The following ROBO2 variants were observed in gnomAD, a reference collection of about 807,000 sequenced individuals.
ROBO2 encodes the protein roundabout guidance receptor 2, also known as roundabout homolog 2.
ROBO2 carries 53 observed loss-of-function variants against 160.8 expected under a neutral mutation model. That is an observed-to-expected ratio of 0.33 (90% CI 0.26 to 0.41). The LOEUF (loss-of-function observed/expected upper bound fraction) is 0.41. Ranked by LOEUF, ROBO2 falls within the 10% of genes least tolerant of loss-of-function variation. The pLI is 1.00. For synonymous variants in ROBO2, 664 were observed against 611.7 expected (o/e 1.09, Z -1.26); for missense variants, 1,577 against 1,722.4 (o/e 0.92, Z 1.49).
chr3:76,968,050 A>T (rs1025610538), intron 2 of ROBO2, among the ~76,000 whole-genome samples: 20 of 152,068 alleles, frequency 1.3e-4, no homozygotes, highest in Non-Finnish European at 1.2e-4. Context: ...TTATATATAT[A>T]TTTTTTGATA....
At chr3:75,957,225 AACACACACGCACACACACACAAAACAC>A (rs1031739634) in intron 2 of ROBO2, among the ~76,000 whole-genome samples, 9 of 122,184 alleles carry the variant, frequency 7.4e-5, no homozygotes, top group South Asian at 3.1e-4. Context: ...ACACACACAA[AACACACACGCACACACACACAAAACAC>A]ACACACACAC....
intron 2 of ROBO2, among the ~76,000 whole-genome samples, chr3:77,473,378 A>G (rs904935413): frequency 2.7e-5 from 4 of 145,686 alleles, no homozygotes; most frequent in African/African-American, 1.0e-4. Context: ...CAGCTGCGGC[A>G]TTCACCCGTG....
chr3:77,089,120 AC>A (rs1255013824), intron 1 of ROBO2, among the ~76,000 whole-genome samples: 2 of 152,212 alleles, frequency 1.3e-5, no homozygotes, highest in African/African-American at 4.8e-5. Context: ...AAAAAGCCAA[AC>A]AAAAAACAAC....
intron 2 of ROBO2, among the ~76,000 whole-genome samples, chr3:76,249,771 A>G (rs1009967119): frequency 2.6e-5 from 4 of 152,120 alleles, no homozygotes; most frequent in African/African-American, 9.6e-5. Flanking sequence ...AATGAGAGAG[A>G]GGAATATTTG....
At chr3:76,657,476 TG>T (rs1275143607) in intron 2 of ROBO2, among the ~76,000 whole-genome samples, 1 of 150,664 alleles carries the variant, frequency 6.6e-6, no homozygotes, top group African/African-American at 2.4e-5. Flanking sequence ...CCAGCTGCGG[TG>T]GCTCACGCCT....
At chr3:77,387,569 C>G (rs1259918563) in intron 2 of ROBO2, among the ~76,000 whole-genome samples, 6 of 151,868 alleles carry the variant, frequency 4.0e-5, no homozygotes, top group African/African-American at 1.4e-4. Flanking sequence ...TTTCTGATCT[C>G]CTGCGATCAC....
intron 2 of ROBO2, among the ~76,000 whole-genome samples, chr3:76,093,206 G>A (rs1413839407): frequency 1.3e-5 from 2 of 151,328 alleles, no homozygotes; most frequent in African/African-American, 4.8e-5. Context: ...AATTTAATAC[G>A]TAAACAGTCC....
At chr3:76,236,320 A>C (rs1271500274) in intron 2 of ROBO2, among the ~76,000 whole-genome samples, 1 of 152,142 alleles carries the variant, frequency 6.6e-6, no homozygotes, top group African/African-American at 2.4e-5. Flanking sequence ...ACACGGAATT[A>C]TGTCAATGTT....
intron 2 of ROBO2, among the ~76,000 whole-genome samples, chr3:76,408,602 T>G (rs1272527603): frequency 6.6e-6 from 1 of 152,080 alleles, no homozygotes; most frequent in Non-Finnish European, 1.5e-5. Flanking sequence ...TGTTCTTGCA[T>G]ACATCAATGT....
chr3:76,196,991 T>A (rs1702290201), intron 2 of ROBO2, among the ~76,000 whole-genome samples: 1 of 152,260 alleles, frequency 6.6e-6, no homozygotes, highest in Admixed American at 6.5e-5. Flanking sequence ...TTTACACATG[T>A]TGATGCTTCT....
intron 2 of ROBO2, among the ~76,000 whole-genome samples, chr3:76,350,017 A>G (rs1396027364): frequency 1.3e-5 from 2 of 152,012 alleles, no homozygotes; most frequent in Non-Finnish European, 2.9e-5. Flanking sequence ...TCACTATACA[A>G]ACTTCTTCAA....
intron 1 of ROBO2, among the ~76,000 whole-genome samples, chr3:77,066,759 G>A (rs1016428138): frequency 6.6e-5 from 10 of 151,876 alleles, no homozygotes; most frequent in Admixed American, 1.3e-4. Context: ...GAATTTGTAG[G>A]GAATGATTGT....
intron 1 of ROBO2, among the ~76,000 whole-genome samples, chr3:77,095,764 G>A (rs1477085627): frequency 3.3e-5 from 5 of 151,934 alleles, no homozygotes; most frequent in South Asian, 2.1e-4. Flanking sequence ...AAATACTTTG[G>A]GGTCTTTCTT....
intron 2 of ROBO2, among the ~76,000 whole-genome samples, chr3:77,020,893 T>C (rs2062591541): frequency 1.3e-5 from 2 of 152,124 alleles, no homozygotes; most frequent in South Asian, 2.1e-4. Context: ...TAAACAAAGA[T>C]AATTTGAGAG....
At chr3:76,484,488 C>T (rs769157291) in intron 2 of ROBO2, among the ~76,000 whole-genome samples, 9 of 152,110 alleles carry the variant, frequency 5.9e-5, no homozygotes, top group Non-Finnish European at 1.0e-4. Flanking sequence ...CTATGCAGCA[C>T]GGAAAGCTCA....
chr3:76,798,087 G>A, intron 2 of ROBO2, among the ~76,000 whole-genome samples: 1 of 97,046 alleles, frequency 1.0e-5, no homozygotes. Flanking sequence ...ACCAAAAACA[G>A]ACAAAGACAC....
At chr3:77,297,929 G>A (rs2062295873) in intron 2 of ROBO2, among the ~76,000 whole-genome samples, 1 of 152,134 alleles carries the variant, frequency 6.6e-6, no homozygotes, top group Non-Finnish European at 1.5e-5. Context: ...GTCAGAAAGA[G>A]TAGAAAGAGT....
intron 2 of ROBO2, chr3:76,434,920 C>G (rs1010646638): frequency 2.5e-6 from 4 of 1,600,014 alleles, no homozygotes; most frequent in African/African-American, 1.3e-5. Context: ...AAACCCCAAA[C>G]CAGCCCATCC....
At chr3:76,042,815 T>G (rs546607809) in intron 2 of ROBO2, among the ~76,000 whole-genome samples, 1 of 152,184 alleles carries the variant, frequency 6.6e-6, no homozygotes, top group Admixed American at 6.5e-5. Flanking sequence ...TGACCACCGG[T>G]GCATGCAGCC....
Sources: gnomAD v4.1 joint callset for allele counts (sites outside exome capture counted in the v4.1 genomes callset) on GRCh38, gnomAD v4.1.1 for gene constraint, MANE v1.5 for transcripts, NCBI Gene and HGNC (gene_info 2026-07-23, HGNC 2026-07-21) for gene names.